Variants in CEP162 observed in about 807,000 individuals in gnomAD.
The protein encoded by CEP162 is centrosomal protein 162, also known as centrosomal protein of 162 kDa.
In CEP162, 141 loss-of-function variants were observed where a neutral mutation model predicts 169.2. That is an observed-to-expected ratio of 0.83 (90% CI 0.73 to 0.96). The LOEUF (loss-of-function observed/expected upper bound fraction) is 0.96, where lower values mean the gene tolerates loss of function less well. Ranked by LOEUF, CEP162 falls within the 40% of genes least tolerant of loss-of-function variation. CEP162 has a pLI of 0.00. For missense variants in CEP162, 1,600 were observed against 1,587.2 expected (o/e 1.01, Z -0.14); for synonymous variants, 540 against 526.4 (o/e 1.03, Z -0.35).
At chr6:84,154,914 T>G (rs141921177) in intron 22 of CEP162, among the ~76,000 whole-genome samples, 125 of 152,326 alleles carry the variant, frequency 8.2e-4, no homozygotes, top group African/African-American at 2.9e-3. Context: ...AAATGTATAC[T>G]TCTGTCTTAT....
Position 84,152,699 on chromosome 6 carries a change from A to G in CEP162, c.3475T>C (p.Tyr1159His), listed in dbSNP as rs1372635600. ...SFPGTLDSKL[Y>H]QPHTFTDSHV... is the part of the protein sequence containing the mutation. ...GAATCAGTGAAAGTATGTGGTTGGT[A>G]CAGCTTGCTGTCCAGGGTTCCAGGG... Residue 1159 changes from tyrosine (Y) to histidine (H), a missense_variant, in exon 23 of 27, where the codon TAC (tyrosine) becomes CAC (histidine). Physicochemically the swap from Tyr to His is moderately conservative, Grantham distance 83. Coordinates refer to ENST00000403245, the MANE Select transcript of CEP162 (RefSeq NM_014895.4). 2 of 1,612,896 alleles carry G rather than the reference A, an allele frequency of 1.2e-6. No individual in the cohort carries two copies. The highest frequency in any genetic ancestry group is 3.3e-4 in the Middle Eastern group (2 of 6,082).
chr6:84,143,207 A>AT (rs1345715585), intron 25 of CEP162, among the ~76,000 whole-genome samples: 2 of 152,028 alleles, frequency 1.3e-5, no homozygotes, highest in African/African-American at 4.8e-5. Context: ...ACATAACCTT[A>AT]TCTACCTTGG....
intron 19 of CEP162, among the ~76,000 whole-genome samples, chr6:84,162,559 T>C (rs542479045): frequency 6.6e-6 from 1 of 152,174 alleles, no homozygotes; most frequent in South Asian, 2.1e-4. Context: ...TTATAGAACA[T>C]ACTTCTGCAG....
intron 11 of CEP162, among the ~76,000 whole-genome samples, chr6:84,188,440 T>C (rs2099538193): frequency 6.6e-6 from 1 of 152,182 alleles, no homozygotes; most frequent in South Asian, 2.1e-4. Context: ...TGTCCATATG[T>C]ACTTGATGTT....
At position 84,137,245 on chromosome 6, in the gene CEP162, T is replaced by C. The variant is rs188454750; in HGVS notation, c.3870+9442A>G. The stretch of plus-strand genomic sequence containing the variant: ...CTTGCTAGCCTGCTGTTTCCTGGCC[T>C]GTATCCAGCATGCCAAGTGTGGCCT... On this transcript the variant is annotated intron_variant, in intron 25 of 26. Coordinates refer to ENST00000403245, the MANE Select transcript of CEP162 (RefSeq NM_014895.4). 3.0e-4 allele frequency among the ~76,000 whole-genome samples: 46 copies of C among 152,354 alleles called. No homozygotes were observed. The East Asian group carries it at 8.1e-3, about 27-fold the overall frequency.
chr6:84,223,222 C>T (rs951719193), intron 2 of CEP162, among the ~76,000 whole-genome samples: 9 of 152,034 alleles, frequency 5.9e-5, no homozygotes, highest in Admixed American at 6.6e-5. Context: ...CAAAACAGGC[C>T]GGGCGTGGTG....
chr6:84,195,344 G>A (rs369568276), intron 9 of CEP162, among the ~76,000 whole-genome samples: 1 of 152,112 alleles, frequency 6.6e-6, no homozygotes, highest in Non-Finnish European at 1.5e-5. Context: ...GACCCCCTCT[G>A]CATAACTATT....
At position 84,169,436 on chromosome 6, in the gene CEP162, A is replaced by G. The variant is rs2099529100; in HGVS notation, c.2280-3T>C. ...AACGACTTTTGTGCATCTGTTCTCT[A>G]ATTTATTTTGAAAATAAAAAGTTGT... On this transcript the variant is annotated splice_region_variant and splice_polypyrimidine_tract_variant and intron_variant, in intron 17 of 26. Transcript: ENST00000403245. 3.3e-6 allele frequency: 5 copies of G among 1,521,562 alleles called. No homozygotes were observed. In the South Asian group the frequency reaches 6.4e-5, roughly 20 times the overall value. 94.3% of individuals were successfully genotyped at this position (1,521,562 alleles called of 1,614,324 possible). A position where few individuals can be genotyped will look rare whatever the true frequency, so the allele number is the denominator to read the frequency against.
chr6:84,167,356 G>A (rs1014307526), intron 18 of CEP162, among the ~76,000 whole-genome samples: 4 of 152,042 alleles, frequency 2.6e-5, no homozygotes, highest in Admixed American at 1.3e-4. Context: ...TCTGTTTAAT[G>A]TTTGTTTGAA....
At chr6:84,207,136 G>C (rs760282495) in intron 6 of CEP162, among the ~76,000 whole-genome samples, 1 of 152,174 alleles carries the variant, frequency 6.6e-6, no homozygotes, top group Non-Finnish European at 1.5e-5. Flanking sequence ...GTGTAAACTA[G>C]TTCAATTGTG....
intron 25 of CEP162, among the ~76,000 whole-genome samples, chr6:84,145,011 G>A (rs998283199): frequency 2.0e-5 from 3 of 152,002 alleles, no homozygotes; most frequent in African/African-American, 7.2e-5. Context: ...TACTATCAAG[G>A]CTTTGATTGG....
At chr6:84,198,202 A>G (rs2099542946) in intron 9 of CEP162, among the ~76,000 whole-genome samples, 1 of 152,158 alleles carries the variant, frequency 6.6e-6, no homozygotes. Context: ...CAAAAACCCC[A>G]CTGAACTTTT....
chr6:84,130,538 T>C (rs540128090), intron 25 of CEP162, among the ~76,000 whole-genome samples: 1 of 152,284 alleles, frequency 6.6e-6, no homozygotes, highest in African/African-American at 2.4e-5. Flanking sequence ...TTTCAGAACT[T>C]GTTATTGGTC....
chr6:84,179,589 C>T (rs1024821644), intron 13 of CEP162, among the ~76,000 whole-genome samples: 4 of 151,956 alleles, frequency 2.6e-5, no homozygotes, highest in Non-Finnish European at 5.9e-5. Flanking sequence ...GAGTAGATTG[C>T]AAAAATTTTC....
intron 2 of CEP162, among the ~76,000 whole-genome samples, chr6:84,224,988 T>C (rs542873691): frequency 6.6e-6 from 1 of 152,346 alleles, no homozygotes; most frequent in South Asian, 2.1e-4. Flanking sequence ...GATGCTTTTT[T>C]AAATCCTTAA....
At chr6:84,216,837 T>G (rs2127751571) in intron 3 of CEP162, among the ~76,000 whole-genome samples, 1 of 152,322 alleles carries the variant, frequency 6.6e-6, no homozygotes, top group African/African-American at 2.4e-5. Context: ...CATGAGTTAA[T>G]AACAACTGTT....
chr6:84,140,368 AT>A (rs2099516065), intron 25 of CEP162, among the ~76,000 whole-genome samples: 1 of 150,928 alleles, frequency 6.6e-6, no homozygotes, highest in Non-Finnish European at 1.5e-5. Flanking sequence ...TTGAAACACC[AT>A]TTTCACACAA....
At chr6:84,165,885 G>A (rs2099527623) in intron 18 of CEP162, among the ~76,000 whole-genome samples, 1 of 152,166 alleles carries the variant, frequency 6.6e-6, no homozygotes. Context: ...TTCTGTAGAT[G>A]TCCTTTCAGG....
intron 21 of CEP162, among the ~76,000 whole-genome samples, chr6:84,159,976 T>A (rs1459993809): frequency 1.3e-5 from 2 of 152,216 alleles, no homozygotes; most frequent in Non-Finnish European, 2.9e-5. Flanking sequence ...AAATAGGTCT[T>A]GTAAAAGTAA....
Sources: allele counts gnomAD v4.1 joint callset (sites outside exome capture counted in the v4.1 genomes callset), GRCh38; gene constraint gnomAD v4.1.1; transcripts MANE v1.5; gene names NCBI Gene and HGNC (gene_info 2026-07-23, HGNC 2026-07-21).